GDPD5: variants seen among roughly 807,000 people sequenced by gnomAD.
The protein encoded by GDPD5 is glycerophosphodiester phosphodiesterase domain containing 5, also known as glycerophosphodiester phosphodiesterase 2.
GDPD5 carries 48 observed loss-of-function variants against 75.1 expected under a neutral mutation model. The ratio of observed to expected loss-of-function variants is 0.64; its 90% CI spans 0.51 to 0.81. GDPD5 has a LOEUF of 0.81. GDPD5 is among the 40% of genes least tolerant of loss of function. GDPD5 has a pLI of 0.00. For synonymous variants in GDPD5, 336 were observed against 339.0 expected (o/e 0.99, Z 0.10); for missense variants, 706 against 822.6 (o/e 0.86, Z 1.73).
intron 1 of GDPD5, among the ~76,000 whole-genome samples, chr11:75,518,756 T>A (rs1470523882): frequency 1.3e-5 from 2 of 152,178 alleles, no homozygotes; most frequent in East Asian, 3.9e-4. Context: ...GGTCCCCTGA[T>A]TTCAGACTGC....
intron 1 of GDPD5, among the ~76,000 whole-genome samples, chr11:75,523,194 T>C (rs1157149870): frequency 1.3e-5 from 2 of 152,210 alleles, no homozygotes; most frequent in East Asian, 3.8e-4. Context: ...ATTCTAATTT[T>C]ATAGGCTCAG....
chr11:75,450,996 G>A (rs61897376), intron 6 of GDPD5: 8,515 of 152,382 alleles, frequency 0.056, 349 homozygotes, highest in East Asian at 0.13. Context: ...CCCTGGAGCC[G>A]TTCTAGCTGC....
intron 3 of GDPD5, among the ~76,000 whole-genome samples, chr11:75,463,360 T>A (rs1949455815): frequency 6.6e-6 from 1 of 152,106 alleles, no homozygotes; most frequent in African/African-American, 2.4e-5. Flanking sequence ...CACAGCAAGT[T>A]AGCAGAGGAT....
chr11:75,515,731 G>A (rs1031142555), intron 1 of GDPD5, among the ~76,000 whole-genome samples: 8 of 152,322 alleles, frequency 5.3e-5, no homozygotes, highest in African/African-American at 7.2e-5. Context: ...ACCTGAACTC[G>A]CCTGACACTA....
At position 75,457,758 on chromosome 11, in the gene GDPD5, T is replaced by G; in HGVS notation, c.250A>C (p.Ser84Arg). The G allele has an allele frequency of 6.2e-7, 1 of 1,613,980 alleles. No individual in the cohort carries two copies. The highest frequency in any genetic ancestry group is 8.5e-7 in the Non-Finnish European group (1 of 1,179,960). ...WYLYNRMGYW[S>R]DWPVPILVTT... ...ACAAGGATGGGTACGGGCCAGTCGC[T>G]CCAGTAGCCCATGCGGTTGTAGAGG... Residue 84 changes from serine (S) to arginine (R), a missense_variant, in exon 5 of 17, where the codon AGC (serine) becomes CGC (arginine). Ser to Arg is a moderately radical substitution (Grantham distance 110). Transcript: ENST00000336898.
intron 1 of GDPD5, among the ~76,000 whole-genome samples, chr11:75,519,751 T>G (rs1365518953): frequency 6.6e-6 from 1 of 152,230 alleles, no homozygotes; most frequent in Non-Finnish European, 1.5e-5. Flanking sequence ...GACCGGCCCC[T>G]GCCTCAGGAG....
intron 3 of GDPD5, among the ~76,000 whole-genome samples, chr11:75,465,380 T>G (rs1471984115): frequency 6.6e-6 from 1 of 152,162 alleles, no homozygotes; most frequent in Non-Finnish European, 1.5e-5. Flanking sequence ...AAGACTCCCC[T>G]GTCTCACAGG....
At position 75,449,067 on chromosome 11, in the gene GDPD5, C is replaced by T; in HGVS notation, c.624G>A (p.Leu208=). ...TFFTVVFALY[L]APLTISSPCI... The stretch of plus-strand genomic sequence containing the variant: ...AGGGAGAGGAGATGGTGAGAGGGGC[C>T]AGGTAGAGGGCAAACACCACGGTGA... The change falls in exon 9 of 17, where the codon CTG becomes CTA. Residue 208 remains leucine (L), a synonymous_variant. Transcript: ENST00000336898. 2 of 1,608,592 alleles carry T rather than the reference C, an allele frequency of 1.2e-6. No homozygotes were observed. Among genetic ancestry groups the T allele is most frequent in the Non-Finnish European group, 1.7e-6 (2 of 1,178,172 alleles).
At chr11:75,511,200 C>A (rs1273398740) in intron 1 of GDPD5, among the ~76,000 whole-genome samples, 2 of 152,208 alleles carry the variant, frequency 1.3e-5, no homozygotes, top group Non-Finnish European at 2.9e-5. Context: ...ATCACTGAAT[C>A]TTTTCTGGGG....
intron 2 of GDPD5, among the ~76,000 whole-genome samples, chr11:75,487,117 G>A (rs1029407515): frequency 5.9e-5 from 9 of 152,306 alleles, no homozygotes; most frequent in African/African-American, 1.7e-4. Flanking sequence ...ACCTATCCCC[G>A]GCCCTGCCCT....
At chr11:75,454,521 A>G (rs1414369820) in intron 6 of GDPD5, among the ~76,000 whole-genome samples, 4 of 152,328 alleles carry the variant, frequency 2.6e-5, no homozygotes, top group Non-Finnish European at 5.9e-5. Context: ...CGTCCTGGCA[A>G]AAGACAGAAA....
chr11:75,457,817 C>A (rs537623478), intron 4 of GDPD5, 31 bp from the exon 5 acceptor site: 3 of 1,558,428 alleles, frequency 1.9e-6, no homozygotes, highest in Non-Finnish European at 2.7e-6. Flanking sequence ...AGGGGTCAGA[C>A]CTCCACCAGG....
rs375474022 is a variant in GDPD5 at position 75,457,810 on chromosome 11, G to A, written c.222-24C>T. 3.8e-6 allele frequency: 6 copies of A among 1,579,790 alleles called. No homozygotes were observed. In the African/African-American group the frequency reaches 8.1e-5, roughly 21 times the overall value. On this transcript the variant is annotated intron_variant, in intron 4 of 16. Transcript: ENST00000336898. ...ACCTGCCAGGAGGAGAGGGGGCAGGGGTCAGACCTCCACCAGGCCACTACC... is the reference window on the plus strand; with the variant it reads ...ACCTGCCAGGAGGAGAGGGGGCAGGAGTCAGACCTCCACCAGGCCACTACC...
chr11:75,492,129 T>C (rs1366804783), intron 1 of GDPD5, among the ~76,000 whole-genome samples: 1 of 152,206 alleles, frequency 6.6e-6, no homozygotes, highest in Non-Finnish European at 1.5e-5. Context: ...CCCTGGAAAC[T>C]ACCTGTGGGG....
intron 14 of GDPD5, among the ~76,000 whole-genome samples, chr11:75,440,756 C>T (rs912691374): frequency 6.6e-6 from 1 of 151,974 alleles, no homozygotes; most frequent in Non-Finnish European, 1.5e-5. Context: ...TTTGTAGAGA[C>T]AGGGTTGCCC....
chr11:75,495,941 A>C (rs1473530571), intron 1 of GDPD5, among the ~76,000 whole-genome samples: 4 of 152,338 alleles, frequency 2.6e-5, no homozygotes, highest in Non-Finnish European at 4.4e-5. Flanking sequence ...TGCTTTCCAC[A>C]TGGAAGGTCC....
In GDPD5 at chr11:75,444,388, A is replaced by G. The variant is rs1431689971; in HGVS notation, c.797+25T>C. ...CGAAGCGTGTGGGAGGGGTAGAGGA[A>G]CTATCTCCCCTCCGCTACACCTACC... On this transcript the variant is annotated intron_variant, in intron 10 of 16. Transcript: ENST00000336898. 6 of 1,551,450 alleles carry G rather than the reference A, an allele frequency of 3.9e-6. No individual in the cohort carries two copies. The South Asian group carries it at 6.7e-5, about 17-fold the overall frequency.
At chr11:75,498,199 T>G (rs554613272) in intron 1 of GDPD5, among the ~76,000 whole-genome samples, 2 of 152,164 alleles carry the variant, frequency 1.3e-5, no homozygotes, top group African/African-American at 4.8e-5. Flanking sequence ...GTGGATCCCA[T>G]GAGGGCTAAC....
At position 75,435,671 on chromosome 11, in the gene GDPD5, G is replaced by C; in HGVS notation, c.1670-16C>G. On this transcript the variant is annotated splice_polypyrimidine_tract_variant and intron_variant, in intron 16 of 16. Coordinates refer to ENST00000336898, the MANE Select transcript of GDPD5 (RefSeq NM_030792.8). ...TCGCTGATCTCTGCTGGGCCAGAGG[G>C]AGACAGAATGTGAGTCGGGGAGGAG... The C allele has an allele frequency of 6.3e-7, 1 of 1,581,884 alleles. No homozygotes were observed. The highest frequency in any genetic ancestry group is 8.6e-7 in the Non-Finnish European group (1 of 1,159,810).
Sources: gnomAD v4.1 joint callset for allele counts (sites outside exome capture counted in the v4.1 genomes callset) on GRCh38, gnomAD v4.1.1 for gene constraint, MANE v1.5 for transcripts, NCBI Gene and HGNC (gene_info 2026-07-23, HGNC 2026-07-21) for gene names.